MTUS2: variants seen among roughly 807,000 people sequenced by gnomAD.
The protein encoded by MTUS2 is microtubule-associated tumor suppressor candidate 2.
MTUS2 carries 40 observed loss-of-function variants against 114.1 expected under a neutral mutation model. The observed-to-expected ratio is 0.35, with a 90% CI of 0.27 to 0.46. The LOEUF is 0.46. Ranked by LOEUF, MTUS2 falls within the 20% of genes least tolerant of loss-of-function variation. MTUS2 has a pLI of 1.00. For missense variants in MTUS2, 1,679 were observed against 1,705.4 expected, an observed-to-expected ratio of 0.98 and a Z score of 0.27; for synonymous variants, 688 against 672.0, an observed-to-expected ratio of 1.02 and a Z score of -0.37.
chr13:29,362,057 G>T (rs1331592272), intron 8 of MTUS2, among the ~76,000 whole-genome samples: 10 of 152,102 alleles, frequency 6.6e-5, no homozygotes. Context: ...TTTCCCCCTG[G>T]CTGAGTCATT....
chr13:29,128,318 T>C (rs933783738), intron 5 of MTUS2, among the ~76,000 whole-genome samples: 3 of 152,060 alleles, frequency 2.0e-5, no homozygotes, highest in Admixed American at 6.6e-5. Context: ...AAAGACCACA[T>C]AATAGGCGGC....
intron 2 of MTUS2, among the ~76,000 whole-genome samples, chr13:28,921,854 C>T (rs1477276122): frequency 6.6e-6 from 1 of 152,216 alleles, no homozygotes; most frequent in Non-Finnish European, 1.5e-5. Context: ...ACGGTGCTTT[C>T]CCTCTCCCAA....
At chr13:29,095,004 TTC>T (rs2138794607) in intron 4 of MTUS2, among the ~76,000 whole-genome samples, 1 of 152,220 alleles carries the variant, frequency 6.6e-6, no homozygotes, top group African/African-American at 2.4e-5. Flanking sequence ...TTTAATTTCA[TTC>T]TGTTATGACC....
chr13:28,864,434 C>G (rs1212729426), intron 2 of MTUS2, among the ~76,000 whole-genome samples: 1 of 152,190 alleles, frequency 6.6e-6, no homozygotes, highest in Non-Finnish European at 1.5e-5. Flanking sequence ...ACCTGCAGCT[C>G]TTGAAATTCT....
chr13:29,027,781 C>T (rs931078609), intron 3 of MTUS2, among the ~76,000 whole-genome samples: 6 of 152,028 alleles, frequency 3.9e-5, no homozygotes, highest in Admixed American at 6.5e-5. Context: ...CCTCGTGATC[C>T]GCCTACCTCG....
At chr13:29,085,430 C>T (rs1231127533) in intron 4 of MTUS2, among the ~76,000 whole-genome samples, 2 of 152,122 alleles carry the variant, frequency 1.3e-5, no homozygotes, top group African/African-American at 4.8e-5. Flanking sequence ...GACCCTCATT[C>T]ATTTGTCACC....
chr13:29,333,804 A>G (rs1208303785), intron 7 of MTUS2, among the ~76,000 whole-genome samples: 1 of 152,088 alleles, frequency 6.6e-6, no homozygotes, highest in Non-Finnish European at 1.5e-5. Context: ...GTCTCCCACT[A>G]TTATTTTTTG....
intron 5 of MTUS2, among the ~76,000 whole-genome samples, chr13:29,175,138 C>T (rs1786507273): frequency 1.3e-5 from 2 of 152,122 alleles, no homozygotes; most frequent in Non-Finnish European, 2.9e-5. Flanking sequence ...TTTTTTATTA[C>T]AAGCTGGAAG....
intron 4 of MTUS2, among the ~76,000 whole-genome samples, chr13:29,089,004 G>A (rs1889821692): frequency 6.6e-6 from 1 of 152,176 alleles, no homozygotes; most frequent in African/African-American, 2.4e-5. Context: ...CATGTTGTTA[G>A]CTGGTTGTTA....
chr13:28,868,212 G>A (rs759097171), intron 2 of MTUS2, among the ~76,000 whole-genome samples: 17 of 152,152 alleles, frequency 1.1e-4, no homozygotes, highest in Admixed American at 6.5e-4. Flanking sequence ...AATTCACATC[G>A]TGATATAGTA....
intron 2 of MTUS2, among the ~76,000 whole-genome samples, chr13:28,905,227 C>G (rs1879916166): frequency 6.6e-6 from 1 of 151,494 alleles, no homozygotes; most frequent in African/African-American, 2.4e-5. Flanking sequence ...TCCTCTTTTC[C>G]TAATTGAATG....
intron 8 of MTUS2, among the ~76,000 whole-genome samples, chr13:29,383,888 T>C (rs1164818771): frequency 6.6e-6 from 1 of 152,184 alleles, no homozygotes; most frequent in East Asian, 1.9e-4. Flanking sequence ...CATTTGTCTT[T>C]AGCTTCTAAC....
At chr13:29,314,707 G>T (rs1478320814) in intron 6 of MTUS2, among the ~76,000 whole-genome samples, 2 of 152,152 alleles carry the variant, frequency 1.3e-5, no homozygotes, top group African/African-American at 4.8e-5. Flanking sequence ...GATACTACTG[G>T]GTGGTTTTTG....
At chr13:29,285,616 A>G (rs866094837) in intron 6 of MTUS2, among the ~76,000 whole-genome samples, 1 of 152,224 alleles carries the variant, frequency 6.6e-6, no homozygotes, top group African/African-American at 2.4e-5. Context: ...TAAAAACACC[A>G]TGAGGATTGA....
chr13:28,946,822 T>C lies in MTUS2; in HGVS notation c.-242-77635T>C, dbSNP rs569934794. ...GCCTTGGCCCCCCAAACTGCTTGGA[T>C]TCCAGGTGGAGCCACCACACCTGAC... On this transcript the variant is annotated intron_variant, in intron 2 of 15. Coordinates refer to ENST00000612955, the MANE Select transcript of MTUS2 (RefSeq NM_001033602.4). 2.6e-5 allele frequency among the ~76,000 whole-genome samples: 4 copies of C among 152,254 alleles called. No homozygotes were observed. In the South Asian group the frequency reaches 8.3e-4, roughly 32 times the overall value.
chr13:29,387,483 G>T (rs768365976), intron 8 of MTUS2, among the ~76,000 whole-genome samples: 23 of 152,186 alleles, frequency 1.5e-4, no homozygotes, highest in Non-Finnish European at 3.4e-4. Context: ...GAGAAAGCCA[G>T]TTAAGCTGTG....
intron 7 of MTUS2, among the ~76,000 whole-genome samples, chr13:29,358,900 T>C (rs1189688062): frequency 1.3e-5 from 2 of 149,118 alleles, no homozygotes; most frequent in Non-Finnish European, 3.0e-5. Context: ...CTGACTTCTA[T>C]CTGGATTGAT....
chr13:28,957,978 G>A (rs996514858), intron 2 of MTUS2, among the ~76,000 whole-genome samples: 1 of 152,208 alleles, frequency 6.6e-6, no homozygotes, highest in East Asian at 1.9e-4. Flanking sequence ...TGAATTACTA[G>A]CCTAGACACC....
At chr13:29,050,890 A>G (rs74832700) in intron 4 of MTUS2, among the ~76,000 whole-genome samples, 3,714 of 152,276 alleles carry the variant, frequency 0.024, 147 homozygotes, top group African/African-American at 0.084. Flanking sequence ...GTGGTCAGAG[A>G]ACAGGAATAA....
Sources: gnomAD v4.1 joint callset for allele counts (sites outside exome capture counted in the v4.1 genomes callset) on GRCh38, gnomAD v4.1.1 for gene constraint, MANE v1.5 for transcripts, NCBI Gene and HGNC (gene_info 2026-07-23, HGNC 2026-07-21) for gene names.